The following MYBPC1 variants were observed in gnomAD, a reference collection of about 807,000 sequenced individuals.
MYBPC1 encodes myosin-binding protein C, slow-type.
Under a neutral mutation model 147.1 loss-of-function variants are expected in MYBPC1, and 52 were observed. That is an observed-to-expected ratio of 0.35 (90% CI 0.28 to 0.45). The LOEUF is 0.45. Ranked by LOEUF, MYBPC1 falls within the 20% of genes least tolerant of loss-of-function variation. The pLI is 1.00. For synonymous variants in MYBPC1, 477 were observed against 475.9 expected, an observed-to-expected ratio of 1.00 and a Z score of -0.03; for missense variants, 1,228 against 1,440.3, an observed-to-expected ratio of 0.85 and a Z score of 2.39.
At chr12:101,679,185 C>A (rs1221194167) in intron 28 of MYBPC1, among the ~76,000 whole-genome samples, 1 of 150,196 alleles carries the variant, frequency 6.7e-6, no homozygotes, top group Non-Finnish European at 1.5e-5. Context: ...AGGAAGAAGT[C>A]AGACTAAGGA....
At chr12:101,678,646 G>GAT (rs1299634304) in intron 28 of MYBPC1, among the ~76,000 whole-genome samples, 4 of 152,306 alleles carry the variant, frequency 2.6e-5, no homozygotes, top group South Asian at 4.1e-4. Context: ...GACAGAATAT[G>GAT]AATGTGCTTT....
chr12:101,637,044 A>T, intron 10 of MYBPC1: 1 of 74,128 alleles, frequency 1.3e-5, no homozygotes, highest in Non-Finnish European at 2.3e-5. Flanking sequence ...AAGACTGCAC[A>T]TATGATTTGG....
chr12:101,662,601 T>A, intron 21 of MYBPC1, 55 bp downstream of exon 21: 1 of 1,583,476 alleles, frequency 6.3e-7, no homozygotes, highest in Non-Finnish European at 8.7e-7. Context: ...AGAGTATGAC[T>A]GCTTTCTCTC....
chr12:101,672,072 G>A (rs1482844721), intron 24 of MYBPC1, among the ~76,000 whole-genome samples: 1 of 152,198 alleles, frequency 6.6e-6, no homozygotes, highest in Non-Finnish European at 1.5e-5. Flanking sequence ...ACTTAATTCA[G>A]TGGTTTTTTC....
At chr12:101,603,276 C>G (rs115239811) in intron 1 of MYBPC1, among the ~76,000 whole-genome samples, 3,194 of 151,218 alleles carry the variant, frequency 0.021, 89 homozygotes, top group African/African-American at 0.065. Context: ...CCTGGGAGAA[C>G]GGAGGTTGTG....
intron 22 of MYBPC1, chr12:101,666,106 C>A (rs779929810): frequency 1.9e-5 from 3 of 157,830 alleles, no homozygotes; most frequent in South Asian, 3.7e-4. Context: ...GCCACCCATG[C>A]GGAACCCTGA....
intron 9 of MYBPC1, among the ~76,000 whole-genome samples, chr12:101,635,891 T>C (rs1183277317): frequency 6.6e-6 from 1 of 152,230 alleles, no homozygotes; most frequent in African/African-American, 2.4e-5. Flanking sequence ...CATTTAAATG[T>C]TAGCTCTGTA....
chr12:101,690,703 T>C (rs566669668), downstream of MYBPC1, among the ~76,000 whole-genome samples: 1 of 152,326 alleles, frequency 6.6e-6, no homozygotes, highest in South Asian at 2.1e-4. Flanking sequence ...CAATTTCAGA[T>C]AAAGGGCACA....
chr12:101,677,404 G>T lies in MYBPC1; in HGVS notation c.3109+10G>T. On this transcript the variant is annotated intron_variant, in intron 27 of 31. Coordinates refer to ENST00000361466, the MANE Select transcript of MYBPC1 (RefSeq NM_002465.4). ...GTGATCGCCAGGGATGGTGAGTTGGGAATGGACTGACATTTGAAAACCTTG... is the reference window on the plus strand; with the variant it reads ...GTGATCGCCAGGGATGGTGAGTTGGTAATGGACTGACATTTGAAAACCTTG... 1 of 1,613,776 alleles carries T rather than the reference G, an allele frequency of 6.2e-7. No homozygotes were observed. Among genetic ancestry groups the T allele is most frequent in the Admixed American group, 1.7e-5 (1 of 59,982 alleles).
chr12:101,667,788 A>G lies in MYBPC1; in HGVS notation c.2413A>G (p.Thr805Ala), dbSNP rs965661156. The G allele has an allele frequency of 6.2e-7, 1 of 1,614,074 alleles. No homozygotes were observed. Among genetic ancestry groups the G allele is most frequent in the African/African-American group, 1.3e-5 (1 of 74,940 alleles). The stretch of plus-strand genomic sequence containing the variant: ...GATTGACAAGACGAAGTTCACCATC[A>G]CAGGTCTGCCAACAGATGCAAAGAT... The part of the protein sequence containing the change: ...DLIDKTKFTI[T>A]GLPTDAKIFV... The change falls in exon 23 of 32, where the codon ACA (threonine) becomes GCA (alanine). Residue 805 changes from threonine (T) to alanine (A), a missense_variant. Coordinates refer to ENST00000361466, the MANE Select transcript of MYBPC1 (RefSeq NM_002465.4).
intron 1 of MYBPC1, among the ~76,000 whole-genome samples, chr12:101,597,330 AG>A (rs1877704340): frequency 6.6e-6 from 1 of 152,170 alleles, no homozygotes; most frequent in African/African-American, 2.4e-5. Context: ...CAGCTCGTAA[AG>A]CCATGCCCAG....
At chr12:101,654,544 C>T (rs2136336478) in intron 18 of MYBPC1, among the ~76,000 whole-genome samples, 1 of 152,154 alleles carries the variant, frequency 6.6e-6, no homozygotes, top group South Asian at 2.1e-4. Context: ...ACAAGGAGAC[C>T]AAGGCAGCTA....
Position 101,662,497 on chromosome 12 carries a change from C to T in MYBPC1, c.2172C>T (p.Ala724=), listed in dbSNP as rs370984550. ...AYEVRIFAVN[A]IGISKPSMPS... ...AGGTCCGCATCTTTGCAGTCAATGC[C>T]ATTGGCATCTCCAAGCCCAGTATGC... Residue 724 remains alanine (A), a synonymous_variant, in exon 21 of 32, where the codon GCC becomes GCT. Transcript: ENST00000361466. The T allele has an allele frequency of 6.2e-7, 1 of 1,614,200 alleles. No individual in the cohort carries two copies. The highest frequency in any genetic ancestry group is 1.3e-5 in the African/African-American group (1 of 75,048).
chr12:101,673,352 CCTT>C, intron 24 of MYBPC1, 72 bp from the exon 25 acceptor site: 3 of 1,499,278 alleles, frequency 2.0e-6, no homozygotes, highest in South Asian at 2.3e-5. Context: ...AAGCCACTGT[CCTT>C]CTCATAATGC....
Position 101,642,575 on chromosome 12 carries a change from G to C in MYBPC1, c.822G>C (p.Lys274Asn). ...TCAAGCGCATGCGCAGAGAGGAGAA[G>C]AAGAGCGCAGGTGAGCGCTCCCGGG... ...KRLKRMRREEKKSAAFAKILD... is the reference protein window; with the variant it reads ...KRLKRMRREENKSAAFAKILD... Residue 274 changes from lysine to asparagine, a missense_variant, in exon 11 of 32, where the codon AAG (lysine) becomes AAC (asparagine). Physicochemically the swap from Lys to Asn is moderately conservative, Grantham distance 94. Transcript: ENST00000361466. 1 of 1,611,138 alleles carries C rather than the reference G, an allele frequency of 6.2e-7. No individual in the cohort carries two copies. Among genetic ancestry groups the C allele is most frequent in the Non-Finnish European group, 8.5e-7 (1 of 1,178,802 alleles).
intron 12 of MYBPC1, 51 bp from the exon 13 acceptor site, chr12:101,646,712 G>A: frequency 5.6e-6 from 9 of 1,601,328 alleles, no homozygotes; most frequent in Non-Finnish European, 7.7e-6. Context: ...ATAAAGAAAA[G>A]AATAAAATCA....
intron 3 of MYBPC1, among the ~76,000 whole-genome samples, chr12:101,617,751 A>G (rs1593701404): frequency 6.6e-6 from 1 of 152,246 alleles, no homozygotes; most frequent in Non-Finnish European, 1.5e-5. Flanking sequence ...TTAAGAAGAC[A>G]TGTTGCCCCT....
chr12:101,679,444 G>A (rs1031549393), intron 28 of MYBPC1, among the ~76,000 whole-genome samples: 2 of 152,184 alleles, frequency 1.3e-5, no homozygotes, highest in East Asian at 3.9e-4. Flanking sequence ...GTGTGAAGGA[G>A]ACAGAAAAGG....
At chr12:101,632,198 G>A in intron 8 of MYBPC1, 60 bp downstream of exon 8, 1 of 1,142,564 alleles carries the variant, frequency 8.8e-7, no homozygotes, top group Non-Finnish European at 1.3e-6. Flanking sequence ...AGGGGATGGA[G>A]AAGAAGTAGT....
Sources: allele counts gnomAD v4.1 joint callset (sites outside exome capture counted in the v4.1 genomes callset), GRCh38; gene constraint gnomAD v4.1.1; transcripts MANE v1.5; gene names NCBI Gene and HGNC (gene_info 2026-07-23, HGNC 2026-07-21).